LCN10: variants seen among roughly 807,000 people sequenced by gnomAD.
The protein encoded by LCN10 is lipocalin 10, also known as epididymal-specific lipocalin-10.
Under a neutral mutation model 25.1 loss-of-function variants are expected in LCN10, and 18 were observed. That is an observed-to-expected ratio of 0.72 (90% confidence interval 0.50 to 1.06). The LOEUF is 1.06. Among genes scored for constraint, LCN10 ranks in the 50% least tolerant of loss-of-function variants. The pLI, the probability that LCN10 is intolerant of heterozygous loss-of-function variation, is 0.00. For synonymous variants in LCN10, 130 were observed against 116.7 expected (o/e 1.11, Z -0.73); for missense variants, 257 against 258.9 (o/e 0.99, Z 0.05).
chr9:136,739,352 A>T lies in LCN10; in HGVS notation c.*173T>A. The stretch of plus-strand genomic sequence containing the variant: ...GGTCAGCCTGTATCCTCCTTCCCCC[A>T]TCTTTCTGTGATCATAAAGGATCCC... On this transcript the variant is annotated 3_prime_UTR_variant, in exon 6 of 6. Coordinates refer to ENST00000497771, the MANE Select transcript of LCN10 (RefSeq NM_001001712.3). This position sits in a 1 kb window ranked among gnomAD's most constrained non-coding sequence, Gnocchi z 6.1. 4.5e-6 allele frequency: 3 copies of T among 670,296 alleles called. No homozygotes were observed. In the East Asian group the frequency reaches 8.5e-5, roughly 19 times the overall value. The allele number at this position is 670,296 out of a possible 1,614,324, so 41.5% of individuals were successfully genotyped here.
In LCN10 at chr9:136,739,508, G is replaced by T; in HGVS notation, c.*17C>A. 6.3e-7 allele frequency: 1 copy of T among 1,596,272 alleles called. No homozygotes were observed. Among genetic ancestry groups the T allele is most frequent in the African/African-American group, 1.3e-5 (1 of 74,776 alleles). ...GAGGACCACGCGTCGAAAGGGAAGA[G>T]CAGAGGACGCTGGCTCTCATGGCAG... On this transcript the variant is annotated 3_prime_UTR_variant, in exon 6 of 6. Coordinates refer to ENST00000497771, the MANE Select transcript of LCN10 (RefSeq NM_001001712.3). The surrounding 1 kb of genome is among the most constrained non-coding windows in gnomAD (Gnocchi z 6.1).
rs2131069639 is a variant in LCN10 at position 136,741,088 on chromosome 9, C to T, written c.368-145G>A. ...GGACTGAGTGCCCTCCCGGGGCCTC[C>T]CCTCCCGGGCCAGGCCGCCCAGCAC... On this transcript the variant is annotated intron_variant, in intron 3 of 5. Coordinates refer to ENST00000497771, the MANE Select transcript of LCN10 (RefSeq NM_001001712.3). 4 of 982,936 alleles carry T rather than the reference C, an allele frequency of 4.1e-6. No homozygotes were observed. The East Asian group carries it at 1.0e-4, about 26-fold the overall frequency. 60.9% of individuals were successfully genotyped at this position (982,936 alleles called of 1,614,324 possible).
In LCN10 at chr9:136,740,223, A is replaced by AGCCAGGCTCGGGAAGCCAGGGTC; in HGVS notation, c.476-198_476-176dup. The stretch of plus-strand genomic sequence containing the variant: ...CTGGGCCCCTCCCCACTTACGAGGC[A>AGCCAGGCTCGGGAAGCCAGGGTC]GCCAGGCTCGGGAAGCCAGGGTCAC... On this transcript the variant is annotated intron_variant, in intron 4 of 5. Transcript: ENST00000497771. The surrounding 1 kb of genome is among the most constrained non-coding windows in gnomAD (Gnocchi z 5.3). 1.6e-6 allele frequency: 1 copy of AGCCAGGCTCGGGAAGCCAGGGTC among 621,008 alleles called. No homozygotes were observed. Among genetic ancestry groups the AGCCAGGCTCGGGAAGCCAGGGTC allele is most frequent in the Non-Finnish European group, 2.9e-6 (1 of 341,644 alleles). The allele number at this position is 621,008 out of a possible 1,614,324, so 38.5% of individuals were successfully genotyped here. A position where few individuals can be genotyped will look rare whatever the true frequency, so the allele number is the denominator to read the frequency against.
rs1051896687 is a variant in LCN10, at chr9:136,739,745, G to A, written c.575-192C>T. 1.5e-5 allele frequency: 11 copies of A among 733,784 alleles called. No homozygotes were observed. Among genetic ancestry groups the A allele is most frequent in the Admixed American group, 6.5e-5 (3 of 46,278 alleles). The allele number at this position is 733,784 out of a possible 1,614,324, so 45.5% of individuals were successfully genotyped here. On this transcript the variant is annotated intron_variant, in intron 5 of 5. Transcript: ENST00000497771. This position sits in a 1 kb window ranked among gnomAD's most constrained non-coding sequence, Gnocchi z 6.1. The stretch of plus-strand genomic sequence containing the variant: ...CCTGGTCGGATGCAGCATCTGCTCC[G>A]GACGCCTCTCGCTGTCGGTGCCAGG...
At chr9:136,742,355 G>T (rs1048710505) in intron 1 of LCN10, 3 of 409,068 alleles carry the variant, frequency 7.3e-6, no homozygotes, top group Non-Finnish European at 1.3e-5. Flanking sequence ...CCTTCCTGCC[G>T]GCCCCCGGCC....
At chr9:136,741,807 C>T in intron 2 of LCN10, 74 bp downstream of exon 2, 2 of 1,511,632 alleles carry the variant, frequency 1.3e-6, no homozygotes, top group East Asian at 4.9e-5. Context: ...TCCTCCCAGA[C>T]TCCTTTCCAG....
In LCN10 at chr9:136,739,796, A is replaced by T; in HGVS notation, c.574+154T>A. On this transcript the variant is annotated intron_variant, in intron 5 of 5. Coordinates refer to ENST00000497771, the MANE Select transcript of LCN10 (RefSeq NM_001001712.3). This position sits in a 1 kb window ranked among gnomAD's most constrained non-coding sequence, Gnocchi z 6.1. The stretch of plus-strand genomic sequence containing the variant: ...CCTGCCAGGCCAAGCCCCGATTCTC[A>T]GGGGCGGCAGGAGGTGGGAGGCACG... The T allele has an allele frequency of 1.3e-6, 1 of 796,356 alleles. No homozygotes were observed. Among genetic ancestry groups the T allele is most frequent in the South Asian group, 1.6e-5 (1 of 63,988 alleles). The allele number at this position is 796,356 out of a possible 1,614,324, so 49.3% of individuals were successfully genotyped here. A position where few individuals can be genotyped will look rare whatever the true frequency, so the allele number is the denominator to read the frequency against.
rs939809756 is a variant in LCN10 at position 136,739,319 on chromosome 9, C to A, written c.*206G>T. 3.4e-6 allele frequency: 2 copies of A among 583,052 alleles called. No homozygotes were observed. Among genetic ancestry groups the A allele is most frequent in the African/African-American group, 1.9e-5 (1 of 53,438 alleles). The allele number at this position is 583,052 out of a possible 1,614,324, so 36.1% of individuals were successfully genotyped here. The stretch of plus-strand genomic sequence containing the variant: ...TGGGGAAGGGGCCTGGCTGACATCT[C>A]GCCACCCGGTCAGCCTGTATCCTCC... On this transcript the variant is annotated 3_prime_UTR_variant, in exon 6 of 6. Transcript: ENST00000497771. The surrounding 1 kb of genome is among the most constrained non-coding windows in gnomAD (Gnocchi z 6.1).
Position 136,742,025 on chromosome 9 carries a change from G to T in LCN10, c.118-5C>A, listed in dbSNP as rs745439627. 3.1e-6 allele frequency: 5 copies of T among 1,612,530 alleles called. No individual in the cohort carries two copies. Among genetic ancestry groups the T allele is most frequent in the South Asian group, 2.2e-5 (2 of 90,936 alleles). The stretch of plus-strand genomic sequence containing the variant: ...AATGTACCAGAACCCTGAAAACTGC[G>T]CAGCGGATGTGTGGGCGGGGACAGG... On this transcript the variant is annotated splice_polypyrimidine_tract_variant and splice_region_variant and intron_variant, in intron 1 of 5. Coordinates refer to ENST00000497771, the MANE Select transcript of LCN10 (RefSeq NM_001001712.3).
chr9:136,740,496 A>C lies in LCN10; in HGVS notation c.475+340T>G. 2.3e-6 allele frequency: 1 copy of C among 444,166 alleles called. No individual in the cohort carries two copies. The allele number at this position is 444,166 out of a possible 1,614,324, so 27.5% of individuals were successfully genotyped here. A position where few individuals can be genotyped will look rare whatever the true frequency, so the allele number is the denominator to read the frequency against. On this transcript the variant is annotated intron_variant, in intron 4 of 5. Transcript: ENST00000497771. This position sits in a 1 kb window ranked among gnomAD's most constrained non-coding sequence, Gnocchi z 5.3. ...ACTTCCACACCCCTCCATCCCGGGCAGACCCTTACCTGGGACCCCTCCCAC... is the reference window on the plus strand; with the variant it reads ...ACTTCCACACCCCTCCATCCCGGGCCGACCCTTACCTGGGACCCCTCCCAC...
chr9:136,739,596 A>G lies in LCN10; in HGVS notation c.575-43T>C, dbSNP rs1377718494. The G allele has an allele frequency of 1.3e-6, 2 of 1,575,604 alleles. No homozygotes were observed. Among genetic ancestry groups the G allele is most frequent in the East Asian group, 2.3e-5 (1 of 43,066 alleles). ...AGCCACATGTGGGCTGGCTGCTTGG[A>G]GGAGACACATGAGCCGTGAACACGT... On this transcript the variant is annotated intron_variant, in intron 5 of 5. Coordinates refer to ENST00000497771, the MANE Select transcript of LCN10 (RefSeq NM_001001712.3). The surrounding 1 kb of genome is among the most constrained non-coding windows in gnomAD (Gnocchi z 6.1).
In LCN10 at chr9:136,741,666, T is replaced by A. The variant is rs144045221; in HGVS notation, c.257+215A>T. 87 of 670,338 alleles carry A rather than the reference T, an allele frequency of 1.3e-4. 1 individual carries two copies. The East Asian group carries it at 2.2e-3, about 17-fold the overall frequency. 41.5% of individuals were successfully genotyped at this position (670,338 alleles called of 1,614,324 possible). ...CCTCCCAACACCTACCCATGTGGGG[T>A]CCCAAGGTCTGCAGGCAGCTTCCTC... is the stretch of plus-strand genomic sequence containing the variant. On this transcript the variant is annotated intron_variant, in intron 2 of 5. Transcript: ENST00000497771.
Position 136,739,306 on chromosome 9 carries a change from C to T in LCN10, c.*219G>A. The T allele has an allele frequency of 1.8e-6, 1 of 569,342 alleles. No individual in the cohort carries two copies. The highest frequency in any genetic ancestry group is 3.2e-6 in the Non-Finnish European group (1 of 315,620). The allele number at this position is 569,342 out of a possible 1,614,324, so 35.3% of individuals were successfully genotyped here. Reference sequence around the variant, plus strand: ...CTCCAGAAGACAGTGGGGAAGGGGCCTGGCTGACATCTCGCCACCCGGTCA... The same window carrying T: ...CTCCAGAAGACAGTGGGGAAGGGGCTTGGCTGACATCTCGCCACCCGGTCA... On this transcript the variant is annotated 3_prime_UTR_variant, in exon 6 of 6. Transcript: ENST00000497771. This position sits in a 1 kb window ranked among gnomAD's most constrained non-coding sequence, Gnocchi z 6.1.
chr9:136,738,794 C>T lies in LCN10; in HGVS notation c.*731G>A, dbSNP rs1403821583. The T allele has an allele frequency of 6.6e-6, 1 of 152,344 alleles. No individual in the cohort carries two copies. The highest frequency in any genetic ancestry group is 1.5e-5 in the Non-Finnish European group (1 of 68,130). 9.4% of individuals were successfully genotyped at this position (152,344 alleles called of 1,614,324 possible). On this transcript the variant is annotated 3_prime_UTR_variant, in exon 6 of 6. Coordinates refer to ENST00000497771, the MANE Select transcript of LCN10 (RefSeq NM_001001712.3). ...GCACCCCTGCTCCTCCAGCCCCACC[C>T]AAACTGACTTAACACCCACCACCCT... is the stretch of plus-strand genomic sequence containing the variant.
rs1846882085 is a variant in LCN10, at chr9:136,739,219, G to A, written c.*306C>T. The A allele has an allele frequency of 2.5e-6, 1 of 395,420 alleles. No individual in the cohort carries two copies. The highest frequency in any genetic ancestry group is 5.2e-5 in the East Asian group (1 of 19,402). 24.5% of individuals were successfully genotyped at this position (395,420 alleles called of 1,614,324 possible). On this transcript the variant is annotated 3_prime_UTR_variant, in exon 6 of 6. Transcript: ENST00000497771. The surrounding 1 kb of genome is among the most constrained non-coding windows in gnomAD (Gnocchi z 6.1). ...AGAGGCAAGGCACACGGCGAGGACT[G>A]CGTTGGGCCGGCCTGTGGTCTGTTT...
At chr9:136,742,217 G>A in intron 1 of LCN10, 197 bp from the exon 2 acceptor site, 1 of 648,218 alleles carries the variant, frequency 1.5e-6, no homozygotes, top group Non-Finnish European at 2.6e-6. Flanking sequence ...CAGGTGCCCG[G>A]CTGGTCAGGG....
At chr9:136,741,150 G>C in intron 3 of LCN10, 102 bp downstream of exon 3, 1 of 1,139,446 alleles carries the variant, frequency 8.8e-7, no homozygotes, top group Non-Finnish European at 1.3e-6. Flanking sequence ...CCAGCCTGAC[G>C]CCTGCCTGCC....
chr9:136,739,950 C>T lies in LCN10; in HGVS notation c.574G>A (p.Ala192Thr), dbSNP rs148019825. Residue 192 changes from alanine to threonine, a missense_variant and splice_region_variant, in exon 5 of 6, where the codon GCG becomes ACG. Ala to Thr is a moderately conservative substitution (Grantham distance 58, BLOSUM62 0). Transcript: ENST00000497771. This position sits in a 1 kb window ranked among gnomAD's most constrained non-coding sequence, Gnocchi z 6.1. Reference protein sequence around the residue: ...SKAAVILPKDASRTHTILP With the variant: ...SKAAVILPKDTSRTHTILP ...GCAAAGGGCTGAGGGCACAGCTTAC[C>T]GTCTTTCGGGAGGATGACGGCGGCC... is the stretch of plus-strand genomic sequence containing the variant. 4.6e-5 allele frequency: 73 copies of T among 1,582,678 alleles called. 1 individual carries two copies. The East Asian group carries it at 4.6e-4, about 10-fold the overall frequency.
chr9:136,739,488 C>T lies in LCN10; in HGVS notation c.*37G>A, dbSNP rs1564320752. The stretch of plus-strand genomic sequence containing the variant: ...ACAACGCTCCTCGGGTCTGGGAGGA[C>T]CACGCGTCGAAAGGGAAGAGCAGAG... On this transcript the variant is annotated 3_prime_UTR_variant, in exon 6 of 6. Transcript: ENST00000497771. The surrounding 1 kb of genome is among the most constrained non-coding windows in gnomAD (Gnocchi z 6.1). 3 of 1,580,078 alleles carry T rather than the reference C, an allele frequency of 1.9e-6. No homozygotes were observed. The highest frequency in any genetic ancestry group is 1.2e-5 in the South Asian group (1 of 85,890).
Sources: gnomAD v4.1 joint callset for allele counts on GRCh38, gnomAD v4.1.1 for gene constraint, Gnocchi (gnomAD v3.1) non-coding constraint, MANE v1.5 for transcripts, NCBI Gene and HGNC (gene_info 2026-07-23, HGNC 2026-07-21) for gene names.